The following CAMTA1 variants were observed in gnomAD, a reference collection of about 807,000 sequenced individuals.
The protein encoded by CAMTA1 is calmodulin-binding transcription activator 1.
A neutral mutation model predicts 170.9 loss-of-function variants in CAMTA1; 27 were observed. The ratio of observed to expected loss-of-function variants is 0.16; its 90% CI spans 0.12 to 0.22. The LOEUF (loss-of-function observed/expected upper bound fraction) is 0.22. CAMTA1 is among the 10% of genes least tolerant of loss of function. The pLI, the probability that CAMTA1 is intolerant of heterozygous loss-of-function variation, is 1.00. For missense variants in CAMTA1, 1,619 were observed against 2,217.2 expected, an observed-to-expected ratio of 0.73 and a Z score of 5.42; for synonymous variants, 833 against 891.5, an observed-to-expected ratio of 0.93 and a Z score of 1.17.
At chr1:7,126,863 C>T (rs1055551470) in intron 4 of CAMTA1, among the ~76,000 whole-genome samples, 23 of 152,102 alleles carry the variant, frequency 1.5e-4, no homozygotes, top group East Asian at 5.8e-4. Flanking sequence ...CTCTGCCTCC[C>T]GGGTTCATGC....
intron 5 of CAMTA1, among the ~76,000 whole-genome samples, chr1:7,291,717 G>A (rs1472652269): frequency 1.3e-5 from 2 of 152,244 alleles, no homozygotes; most frequent in Non-Finnish European, 2.9e-5. Context: ...CCAGGAGTGG[G>A]TGGCCAGTGA....
At chr1:7,270,686 A>C (rs1669671758) in intron 5 of CAMTA1, among the ~76,000 whole-genome samples, 1 of 152,162 alleles carries the variant, frequency 6.6e-6, no homozygotes, top group Non-Finnish European at 1.5e-5. Flanking sequence ...GGAGCACTAG[A>C]AATGGTAAAT....
intron 5 of CAMTA1, among the ~76,000 whole-genome samples, chr1:7,332,727 G>C (rs1557532401): frequency 6.6e-6 from 1 of 152,200 alleles, no homozygotes; most frequent in Admixed American, 6.5e-5. Flanking sequence ...AATTTAGGAG[G>C]CTGCTGATGA....
At chr1:6,941,951 C>T (rs558306587) in intron 3 of CAMTA1, among the ~76,000 whole-genome samples, 4 of 152,328 alleles carry the variant, frequency 2.6e-5, no homozygotes, top group South Asian at 2.1e-4. Flanking sequence ...GAAAACTTGC[C>T]GAGGATGGAC....
intron 5 of CAMTA1, among the ~76,000 whole-genome samples, chr1:7,401,544 A>G (rs1411311108): frequency 6.6e-6 from 1 of 152,088 alleles, no homozygotes; most frequent in African/African-American, 2.4e-5. Flanking sequence ...CCTTCTGGGA[A>G]TTTAATCGGA....
At chr1:7,602,909 T>G (rs1367179974) in intron 6 of CAMTA1, among the ~76,000 whole-genome samples, 3 of 152,264 alleles carry the variant, frequency 2.0e-5, no homozygotes, top group Admixed American at 6.5e-5. Context: ...TCTTTCATTA[T>G]GTACCCAGTA....
chr1:6,882,664 G>T (rs1168599995), intron 3 of CAMTA1, among the ~76,000 whole-genome samples: 1 of 152,042 alleles, frequency 6.6e-6, no homozygotes, highest in African/African-American at 2.4e-5. Context: ...ATAGGCAGTC[G>T]TATGTTTGAG....
chr1:7,166,596 A>T (rs766855252), intron 4 of CAMTA1, among the ~76,000 whole-genome samples: 15 of 152,078 alleles, frequency 9.9e-5, no homozygotes, highest in Admixed American at 2.0e-4. Flanking sequence ...GTTATTGGCC[A>T]TTTGGGTTTC....
intron 4 of CAMTA1, among the ~76,000 whole-genome samples, chr1:7,129,671 T>C (rs1645134454): frequency 6.6e-6 from 1 of 152,214 alleles, no homozygotes. Context: ...ATAAACTGTA[T>C]TTAGAGTGTA....
chr1:7,498,343 AGT>A (rs779582574), intron 6 of CAMTA1, among the ~76,000 whole-genome samples: 33 of 145,206 alleles, frequency 2.3e-4, no homozygotes, highest in South Asian at 9.5e-4. Context: ...GATGTGTATG[AGT>A]GTGTGTAGAG....
At position 7,532,391 on chromosome 1, in the gene CAMTA1, G is replaced by A. The variant is rs909252160; in HGVS notation, c.510+64490G>A. On this transcript the variant is annotated intron_variant, in intron 6 of 22. Coordinates refer to ENST00000303635, the MANE Select transcript of CAMTA1 (RefSeq NM_015215.4). The surrounding 1 kb of genome is among the most constrained non-coding windows in gnomAD (Gnocchi z 4.2). ...GTCACAGCACACCGCAGCCTCCTGG[G>A]CTCAAGTGATCCTCCCACCTCAGCC... Among the ~76,000 whole-genome samples the A allele has an allele frequency of 2.0e-5, 3 of 152,102 alleles. No individual in the cohort carries two copies. The highest frequency in any genetic ancestry group is 6.5e-5 in the Admixed American group (1 of 15,272).
At chr1:7,259,653 G>T (rs192552587) in intron 5 of CAMTA1, among the ~76,000 whole-genome samples, 1 of 152,308 alleles carries the variant, frequency 6.6e-6, no homozygotes, top group African/African-American at 2.4e-5. Context: ...TTCACAAGTT[G>T]CTCTGGCAAT....
At chr1:7,289,520 T>C (rs1017409323) in intron 5 of CAMTA1, among the ~76,000 whole-genome samples, 3 of 152,202 alleles carry the variant, frequency 2.0e-5, no homozygotes, top group Non-Finnish European at 4.4e-5. Context: ...GTTTGCACTC[T>C]CACCTTCGTG....
At chr1:6,995,295 C>CTTTTTTTTTTTTTTTTTTTTTTTTTTTT (rs765139922) in intron 3 of CAMTA1, among the ~76,000 whole-genome samples, 3 of 60,626 alleles carry the variant, frequency 4.9e-5, no homozygotes, top group Non-Finnish European at 5.8e-5. Context: ...TTTTTCTTTT[C>CTTTTTTTTTTTTTTTTTTTTTTTTTTTT]TTTTTTTTTT....
At chr1:7,102,665 G>C (rs947369767) in intron 4 of CAMTA1, among the ~76,000 whole-genome samples, 2 of 152,150 alleles carry the variant, frequency 1.3e-5, no homozygotes, top group African/African-American at 4.8e-5. Context: ...CGTGAAATGT[G>C]CTATTTCCAC....
At position 7,093,358 on chromosome 1, in the gene CAMTA1, A is replaced by T. The variant is rs2148156146; in HGVS notation, c.302+1987A>T. On this transcript the variant is annotated intron_variant, in intron 4 of 22. Coordinates refer to ENST00000303635, the MANE Select transcript of CAMTA1 (RefSeq NM_015215.4). This position sits in a 1 kb window ranked among gnomAD's most constrained non-coding sequence, Gnocchi z 4.6. ...TCTGGGGGAGAAGGAGGCTTATCTG[A>T]TTTCTGCCTCTGGACCATTTCCTGA... Among the ~76,000 whole-genome samples the T allele has an allele frequency of 6.6e-6, 1 of 152,074 alleles. No homozygotes were observed. Among genetic ancestry groups the T allele is most frequent in the South Asian group, 2.1e-4 (1 of 4,810 alleles).
chr1:6,877,712 A>G (rs148982093), intron 3 of CAMTA1, among the ~76,000 whole-genome samples: 37 of 152,288 alleles, frequency 2.4e-4, no homozygotes, highest in Non-Finnish European at 4.0e-4. Context: ...CAGAACTTCA[A>G]TTATTCAGGT....
chr1:7,618,423 C>T (rs545937608), intron 6 of CAMTA1, among the ~76,000 whole-genome samples: 3 of 152,312 alleles, frequency 2.0e-5, no homozygotes, highest in South Asian at 2.1e-4. Flanking sequence ...GCTTTGTGTG[C>T]GGCTCCAGGC....
rs1674500506 is a variant in CAMTA1, at chr1:7,299,790, T to C, written c.438+50164T>C. ...TAGCCCCTCTCTTTGGTTTGTGTCA[T>C]TTTGCTTTGAAATGTAAGTTGACTT... On this transcript the variant is annotated intron_variant, in intron 5 of 22. Transcript: ENST00000303635. The surrounding 1 kb of genome is among the most constrained non-coding windows in gnomAD (Gnocchi z 4.7). Among the ~76,000 whole-genome samples, 1 of 152,216 alleles carries C rather than the reference T, an allele frequency of 6.6e-6. No homozygotes were observed. Among genetic ancestry groups the C allele is most frequent in the Non-Finnish European group, 1.5e-5 (1 of 68,040 alleles).
Sources: gnomAD v4.1 joint callset for allele counts (sites outside exome capture counted in the v4.1 genomes callset) on GRCh38, gnomAD v4.1.1 for gene constraint, Gnocchi (gnomAD v3.1) non-coding constraint, MANE v1.5 for transcripts, NCBI Gene and HGNC (gene_info 2026-07-23, HGNC 2026-07-21) for gene names.